Variants in RBM47 observed in about 807,000 individuals in gnomAD.
RBM47 encodes the protein RNA-binding protein 47.
A neutral mutation model predicts 47.1 loss-of-function variants in RBM47; 21 were observed. The observed-to-expected ratio is 0.45, with a 90% CI of 0.32 to 0.64. The LOEUF is 0.64. RBM47 is among the 30% of genes least tolerant of loss of function. The pLI, the probability that RBM47 is intolerant of heterozygous loss-of-function variation, is 0.05. For missense variants in RBM47, 708 were observed against 870.9 expected (o/e 0.81, Z 2.35); for synonymous variants, 375 against 361.7 (o/e 1.04, Z -0.42).
chr4:40,434,971 C>T (rs1329450833), intron 5 of RBM47, among the ~76,000 whole-genome samples: 2 of 152,148 alleles, frequency 1.3e-5, no homozygotes, highest in Non-Finnish European at 2.9e-5. Context: ...ACGGACTGAG[C>T]TTTCCATGTG....
intron 1 of RBM47, among the ~76,000 whole-genome samples, chr4:40,616,466 A>G (rs1736744442): frequency 6.6e-6 from 1 of 151,926 alleles, no homozygotes. Flanking sequence ...TTTTAGAATA[A>G]TCTCTGCTTG....
intron 6 of RBM47, 74 bp downstream of exon 6, chr4:40,432,561 ACAGTAAATTCTCAGTG>A: frequency 6.4e-7 from 1 of 1,564,108 alleles, no homozygotes; most frequent in Non-Finnish European, 8.6e-7. Flanking sequence ...AGCCAGGCAC[ACAGTAAATTCTCAGTG>A]CTGAATACTA....
chr4:40,477,443 A>C (rs916082540), intron 2 of RBM47, among the ~76,000 whole-genome samples: 7 of 152,224 alleles, frequency 4.6e-5, no homozygotes, highest in Non-Finnish European at 7.3e-5. Context: ...TTACTAAGGC[A>C]GTGTTTTCAA....
intron 3 of RBM47, among the ~76,000 whole-genome samples, chr4:40,445,820 G>A (rs1424778979): frequency 6.6e-6 from 1 of 152,208 alleles, no homozygotes; most frequent in East Asian, 1.9e-4. Context: ...CCTGAATGTT[G>A]AGATTCTTGC....
At chr4:40,523,213 C>T (rs569552678) in intron 2 of RBM47, among the ~76,000 whole-genome samples, 9 of 151,904 alleles carry the variant, frequency 5.9e-5, no homozygotes, top group East Asian at 3.9e-4. Flanking sequence ...GTGACCCACC[C>T]GCCTCAGCCT....
chr4:40,602,842 T>C (rs1248709951), intron 1 of RBM47, among the ~76,000 whole-genome samples: 1 of 152,042 alleles, frequency 6.6e-6, no homozygotes. Flanking sequence ...TTTTTTAAAA[T>C]ATAAACTTTT....
intron 6 of RBM47, chr4:40,427,303 T>C (rs1715201795): frequency 6.6e-6 from 1 of 152,238 alleles, no homozygotes; most frequent in African/African-American, 2.4e-5. Context: ...AGCTGAGTTT[T>C]GAAGGATAAA....
chr4:40,449,478 C>CA (rs1312239030), intron 3 of RBM47, among the ~76,000 whole-genome samples: 1 of 152,158 alleles, frequency 6.6e-6, no homozygotes, highest in African/African-American at 2.4e-5. Flanking sequence ...GTATGATAAA[C>CA]AGATGCAAAG....
At chr4:40,492,242 C>A (rs1352881643) in intron 2 of RBM47, among the ~76,000 whole-genome samples, 2 of 151,986 alleles carry the variant, frequency 1.3e-5, no homozygotes, top group South Asian at 2.1e-4. Flanking sequence ...TGGGGGTATG[C>A]GCCTGTAGTC....
At chr4:40,459,758 G>T (rs1716828734) in intron 3 of RBM47, among the ~76,000 whole-genome samples, 1 of 151,864 alleles carries the variant, frequency 6.6e-6, no homozygotes, top group Non-Finnish European at 1.5e-5. Flanking sequence ...TTCTTTTTTT[G>T]AGACAGAGTT....
intron 1 of RBM47, among the ~76,000 whole-genome samples, chr4:40,583,694 TA>T (rs1733228331): frequency 6.6e-6 from 1 of 151,072 alleles, no homozygotes; most frequent in Admixed American, 6.6e-5. Flanking sequence ...CCGTCTCTAC[TA>T]AAAATACAAA....
intron 2 of RBM47, among the ~76,000 whole-genome samples, chr4:40,492,949 C>A (rs1007311421): frequency 6.6e-6 from 1 of 152,166 alleles, no homozygotes; most frequent in East Asian, 1.9e-4. Context: ...CCTCCATCAC[C>A]CTCATTATCT....
intron 1 of RBM47, among the ~76,000 whole-genome samples, chr4:40,619,144 C>T (rs1039815590): frequency 2.0e-5 from 3 of 152,032 alleles, no homozygotes; most frequent in African/African-American, 4.8e-5. Flanking sequence ...AAAATCAACC[C>T]CTGGACAGGC....
chr4:40,467,147 A>G (rs767613310), intron 2 of RBM47, among the ~76,000 whole-genome samples: 21 of 152,200 alleles, frequency 1.4e-4, no homozygotes, highest in Admixed American at 3.3e-4. Flanking sequence ...CTTATGCTAC[A>G]CATCACTAAT....
Position 40,541,810 on chromosome 4 carries a change from C to G in RBM47, c.-155+2612G>C, listed in dbSNP as rs113864857. ...AGGTTTGAAACCTGAGAATCTCACA[C>G]GTTCAAAGCACAAGTAGAGTCAAGT... is the stretch of plus-strand genomic sequence containing the variant. On this transcript the variant is annotated intron_variant, in intron 2 of 6. Transcript: ENST00000295971. 1.5e-3 allele frequency among the ~76,000 whole-genome samples: 234 copies of G among 152,258 alleles called. 1 individual carries two copies. The highest frequency in any genetic ancestry group is 2.7e-3 in the South Asian group (13 of 4,824).
Position 40,548,361 on chromosome 4 carries a change from C to A in RBM47, c.-239-3855G>T, listed in dbSNP as rs1445208792. ...GGGCAGGGGAGAGCAACAGGACGTG[C>A]CGCTGCCAAGGCAAGGAACCAGGAG... is the stretch of plus-strand genomic sequence containing the variant. On this transcript the variant is annotated intron_variant, in intron 1 of 6. Transcript: ENST00000295971. Among the ~76,000 whole-genome samples the A allele has an allele frequency of 2.6e-5, 4 of 152,286 alleles. No homozygotes were observed. In the South Asian group the frequency reaches 8.3e-4, roughly 32 times the overall value.
chr4:40,560,772 C>A (rs1730533173), intron 1 of RBM47, among the ~76,000 whole-genome samples: 1 of 152,112 alleles, frequency 6.6e-6, no homozygotes, highest in Non-Finnish European at 1.5e-5. Context: ...CAAGACCAGC[C>A]TGGCCAAAAT....
intron 1 of RBM47, among the ~76,000 whole-genome samples, chr4:40,626,590 G>C (rs560807176): frequency 6.6e-6 from 1 of 151,850 alleles, no homozygotes; most frequent in East Asian, 1.9e-4. Flanking sequence ...TTCTACTTTC[G>C]CTGGAAAATG....
intron 1 of RBM47, among the ~76,000 whole-genome samples, chr4:40,599,294 C>A (rs1408247704): frequency 6.6e-6 from 1 of 150,822 alleles, no homozygotes; most frequent in East Asian, 1.9e-4. Context: ...CCCTAAAGTT[C>A]AAATGCCACA....
Sources: allele counts gnomAD v4.1 joint callset (sites outside exome capture counted in the v4.1 genomes callset), GRCh38; gene constraint gnomAD v4.1.1; transcripts MANE v1.5; gene names NCBI Gene and HGNC (gene_info 2026-07-23, HGNC 2026-07-21).